SDK2: variants seen among roughly 807,000 people sequenced by gnomAD.
The protein encoded by SDK2 is sidekick cell adhesion molecule 2.
In SDK2, 105 loss-of-function variants were observed where a neutral mutation model predicts 253.9. The ratio of observed to expected loss-of-function variants is 0.41; its 90% CI spans 0.35 to 0.49. The LOEUF is 0.49. SDK2 is among the 20% of genes least tolerant of loss of function. The pLI, the probability that SDK2 is intolerant of heterozygous loss-of-function variation, is 0.06. For missense variants in SDK2, 2,608 were observed against 3,003.0 expected, an observed-to-expected ratio of 0.87 and a Z score of 3.07; for synonymous variants, 1,249 against 1,234.9, an observed-to-expected ratio of 1.01 and a Z score of -0.24.
chr17:73,404,529 A>G (rs114196697), intron 18 of SDK2, among the ~76,000 whole-genome samples: 8,459 of 152,176 alleles, frequency 0.056, 354 homozygotes, highest in East Asian at 0.15. Flanking sequence ...GTCCTATGCT[A>G]TTACAGAAAA....
intron 1 of SDK2, among the ~76,000 whole-genome samples, chr17:73,580,163 C>T (rs911722986): frequency 1.3e-5 from 2 of 152,106 alleles, no homozygotes; most frequent in African/African-American, 4.8e-5. Context: ...TATGGCCATC[C>T]TAGCAAATGA....
chr17:73,643,779 C>T lies in SDK2; in HGVS notation c.64+246G>A, dbSNP rs2046427409. ...CCCTCCCACTTCACCTTGGGCTCTTCTCTGCCTCCCCAGGTCGTCCCCACC... is the reference window on the plus strand; with the variant it reads ...CCCTCCCACTTCACCTTGGGCTCTTTTCTGCCTCCCCAGGTCGTCCCCACC... On this transcript the variant is annotated intron_variant, in intron 1 of 44. Transcript: ENST00000392650. This position sits in a 1 kb window ranked among gnomAD's most constrained non-coding sequence, Gnocchi z 6.9. Among the ~76,000 whole-genome samples, 1 of 152,118 alleles carries T rather than the reference C, an allele frequency of 6.6e-6. No homozygotes were observed. Among genetic ancestry groups the T allele is most frequent in the South Asian group, 2.1e-4 (1 of 4,830 alleles).
At chr17:73,515,453 C>G (rs2064018192) in intron 1 of SDK2, among the ~76,000 whole-genome samples, 1 of 152,136 alleles carries the variant, frequency 6.6e-6, no homozygotes, top group Non-Finnish European at 1.5e-5. Flanking sequence ...AACAGGCGGC[C>G]CAGCTGGGAA....
chr17:73,442,579 G>A (rs1652231433), intron 5 of SDK2, among the ~76,000 whole-genome samples: 1 of 152,138 alleles, frequency 6.6e-6, no homozygotes, highest in African/African-American at 2.4e-5. Flanking sequence ...GACCTCAGAT[G>A]ATCCACCCGC....
At chr17:73,545,648 C>A (rs1458611572) in intron 1 of SDK2, among the ~76,000 whole-genome samples, 1 of 152,040 alleles carries the variant, frequency 6.6e-6, no homozygotes, top group Non-Finnish European at 1.5e-5. Flanking sequence ...GGGGACAGCA[C>A]CGCCATTTCC....
At chr17:73,365,089 T>G (rs955642007) in intron 38 of SDK2, among the ~76,000 whole-genome samples, 169 bp downstream of exon 38, 2 of 152,236 alleles carry the variant, frequency 1.3e-5, no homozygotes, top group Non-Finnish European at 2.9e-5. Context: ...TGCTGTTGTT[T>G]TACCTTGGAA....
chr17:73,422,371 C>T lies in SDK2; in HGVS notation c.1961G>A (p.Gly654Asp), dbSNP rs745817676. ...CTGGTAGGAGCGTGCAGGAACCAGG[C>T]CCTTGACTGTCACTGAGGTAGCTTT... is the stretch of plus-strand genomic sequence containing the variant. ...DPKATSVTVK[G>D]LVPARSYQFR... The change falls in exon 15 of 45, where the codon GGC becomes GAC. Residue 654 changes from glycine (G) to aspartate (D), a missense_variant. Physicochemically the swap from Gly to Asp is moderately conservative, Grantham distance 94 (BLOSUM62 -1). This residue lies in a region of SDK2 where 1,505 missense variants were observed against 1,859.1 expected (regional missense o/e 0.81). Transcript: ENST00000392650. 6.2e-7 allele frequency: 1 copy of T among 1,613,986 alleles called. No individual in the cohort carries two copies. Among genetic ancestry groups the T allele is most frequent in the Admixed American group, 1.7e-5 (1 of 60,034 alleles).
Position 73,481,889 on chromosome 17 carries a change from T to G in SDK2, c.225-9671A>C, listed in dbSNP as rs1018596383. On this transcript the variant is annotated intron_variant, in intron 2 of 44. Coordinates refer to ENST00000392650, the MANE Select transcript of SDK2 (RefSeq NM_001144952.2). This position sits in a 1 kb window ranked among gnomAD's most constrained non-coding sequence, Gnocchi z 4.5. ...TTCTTGGCTGGCCTCCATAACCACA[T>G]GGGCCAAGTCCCATAACGAACCTCG... Among the ~76,000 whole-genome samples, 2 of 152,164 alleles carry G rather than the reference T, an allele frequency of 1.3e-5. No individual in the cohort carries two copies. Among genetic ancestry groups the G allele is most frequent in the African/African-American group, 4.8e-5 (2 of 41,438 alleles).
At chr17:73,508,506 T>A (rs376562740) in intron 1 of SDK2, among the ~76,000 whole-genome samples, 385 of 152,310 alleles carry the variant, frequency 2.5e-3, no homozygotes, top group South Asian at 4.6e-3. Context: ...GATACCTGCC[T>A]TTTTGTGGAT....
At chr17:73,622,397 T>A (rs1011764926) in intron 1 of SDK2, among the ~76,000 whole-genome samples, 3 of 152,142 alleles carry the variant, frequency 2.0e-5, no homozygotes, top group South Asian at 4.1e-4. Flanking sequence ...CCTCTGTGAG[T>A]CCCTCCTGAA....
At chr17:73,402,492 C>T in intron 18 of SDK2, among the ~76,000 whole-genome samples, 1 of 152,214 alleles carries the variant, frequency 6.6e-6, no homozygotes, top group Non-Finnish European at 1.5e-5. Context: ...AGCCCTTGTT[C>T]AAAAACGACT....
intron 1 of SDK2, among the ~76,000 whole-genome samples, chr17:73,574,467 C>A (rs962020143): frequency 6.6e-6 from 1 of 151,452 alleles, no homozygotes; most frequent in Admixed American, 6.6e-5. Flanking sequence ...ATACACGCCT[C>A]GCTGATCAGC....
intron 3 of SDK2, among the ~76,000 whole-genome samples, chr17:73,462,251 C>CTGTA (rs1052790741): frequency 1.3e-5 from 2 of 151,004 alleles, no homozygotes; most frequent in Non-Finnish European, 2.9e-5. Flanking sequence ...GTACATTTAC[C>CTGTA]TGTATGTATG....
chr17:73,563,008 G>A (rs1416402199), intron 1 of SDK2, among the ~76,000 whole-genome samples: 1 of 152,186 alleles, frequency 6.6e-6, no homozygotes, highest in African/African-American at 2.4e-5. Flanking sequence ...TGGAAGGGAG[G>A]AGGAAGGCAG....
At position 73,390,305 on chromosome 17, in the gene SDK2, C is replaced by CCG; in HGVS notation, c.4173_4174insCG (p.Val1392ArgfsTer2). On this transcript the variant is annotated frameshift_variant, in exon 29 of 45. Coordinates refer to ENST00000392650, the MANE Select transcript of SDK2 (RefSeq NM_001144952.2). LOFTEE classifies it high-confidence loss of function. ...CAGTCACCTCTCTTCTCGGTGGTCA[C>CCG]CACCAAGGCCTCGGCAGCTTCTCCC... 2.5e-6 allele frequency: 4 copies of CCG among 1,594,588 alleles called. No individual in the cohort carries two copies. Among genetic ancestry groups the CCG allele is most frequent in the Non-Finnish European group, 3.4e-6 (4 of 1,173,484 alleles).
chr17:73,610,182 G>A (rs986503590), intron 1 of SDK2, among the ~76,000 whole-genome samples: 3 of 152,226 alleles, frequency 2.0e-5, no homozygotes, highest in Admixed American at 6.5e-5. Flanking sequence ...AGGGGCTGAA[G>A]CTCCCTGAAA....
intron 18 of SDK2, among the ~76,000 whole-genome samples, chr17:73,414,012 A>G (rs1382828085): frequency 6.6e-6 from 1 of 151,574 alleles, no homozygotes; most frequent in African/African-American, 2.4e-5. Context: ...GGCCATGGCT[A>G]TACCAGGTGT....
At chr17:73,602,260 A>C (rs2045852477) in intron 1 of SDK2, among the ~76,000 whole-genome samples, 2 of 152,146 alleles carry the variant, frequency 1.3e-5, no homozygotes, top group African/African-American at 2.4e-5. Flanking sequence ...AGGCCCAGAG[A>C]CTGAGAAGGA....
chr17:73,543,606 C>T (rs2044907398), intron 1 of SDK2, among the ~76,000 whole-genome samples: 2 of 152,248 alleles, frequency 1.3e-5, no homozygotes, highest in Admixed American at 1.3e-4. Context: ...TGGGCAAGTG[C>T]ACCTTGATGC....
Sources: gnomAD v4.1 joint callset for allele counts (sites outside exome capture counted in the v4.1 genomes callset) on GRCh38, gnomAD v4.1.1 for gene constraint, gnomAD v4.1.1 regional missense constraint, Gnocchi (gnomAD v3.1) non-coding constraint, MANE v1.5 for transcripts, NCBI Gene and HGNC (gene_info 2026-07-23, HGNC 2026-07-21) for gene names.